Variants in CD46 observed in about 807,000 individuals in gnomAD.
The protein encoded by CD46 is CD46 molecule.
CD46 carries 30 observed loss-of-function variants against 53.3 expected under a neutral mutation model. The ratio of observed to expected loss-of-function variants is 0.56; its 90% confidence interval spans 0.42 to 0.76. The LOEUF (loss-of-function observed/expected upper bound fraction) is 0.76, where lower values mean the gene tolerates loss of function less well. Ranked by LOEUF, CD46 falls within the 30% of genes least tolerant of loss-of-function variation. CD46 has a pLI of 0.00. For synonymous variants in CD46, 142 were observed against 152.0 expected, an observed-to-expected ratio of 0.93 and a Z score of 0.48; for missense variants, 409 against 463.0, an observed-to-expected ratio of 0.88 and a Z score of 1.07.
chr1:207,793,911 A>G lies in CD46; in HGVS notation c.*434A>G. 1 of 284,046 alleles carries G rather than the reference A, an allele frequency of 3.5e-6. No individual in the cohort carries two copies. The highest frequency in any genetic ancestry group is 6.7e-6 in the Non-Finnish European group (1 of 148,532). The allele number at this position is 284,046 out of a possible 1,614,324, so 17.6% of individuals were successfully genotyped here. A position where few individuals can be genotyped will look rare whatever the true frequency, so the allele number is the denominator to read the frequency against. On this transcript the variant is annotated 3_prime_UTR_variant, in exon 13 of 13. Transcript: ENST00000367042. The stretch of plus-strand genomic sequence containing the variant: ...GAGAAATATAGTTCACAATGAAATT[A>G]TATTTTCTTTGTAAAGAAAGTGGCT...
At chr1:207,778,169 T>C (rs961175941) in intron 8 of CD46, among the ~76,000 whole-genome samples, 32 of 152,156 alleles carry the variant, frequency 2.1e-4, no homozygotes, top group African/African-American at 7.5e-4. Context: ...TAAGTTCCTG[T>C]AAATGCTAAA....
Position 207,770,814 on chromosome 1 carries a change from C to T in CD46, c.943+452C>T, listed in dbSNP as rs577946948. 5.9e-5 allele frequency among the ~76,000 whole-genome samples: 9 copies of T among 152,210 alleles called. No individual in the cohort carries two copies. In the South Asian group the frequency reaches 6.2e-4, roughly 11 times the overall value. On this transcript the variant is annotated intron_variant, in intron 8 of 12. Coordinates refer to ENST00000367042, the MANE Select transcript of CD46 (RefSeq NM_172351.3). ...ATCCAGTCTATCATTGATGGACATTCGGGTTGGTTCCAAGTCTTTGCTATT... is the reference window on the plus strand; with the variant it reads ...ATCCAGTCTATCATTGATGGACATTTGGGTTGGTTCCAAGTCTTTGCTATT...
chr1:207,768,720 T>C (rs566372774), intron 7 of CD46: 19 of 152,344 alleles, frequency 1.2e-4, no homozygotes, highest in African/African-American at 4.6e-4. Context: ...ATTTCAGCAC[T>C]ACCATCTCTG....
chr1:207,761,402 G>A lies in CD46; in HGVS notation c.629G>A (p.Cys210Tyr), dbSNP rs1207528084. 6.2e-7 allele frequency: 1 copy of A among 1,614,110 alleles called. No homozygotes were observed. The highest frequency in any genetic ancestry group is 8.5e-7 in the Non-Finnish European group (1 of 1,179,988). Reference sequence around the variant, plus strand: ...CTTATTGGAGAGAGCACGATTTATTGTGGTGACAATTCAGTGTGGAGTCGT... The same window carrying A: ...CTTATTGGAGAGAGCACGATTTATTATGGTGACAATTCAGTGTGGAGTCGT... Reference protein sequence around the residue: ...FSLIGESTIYCGDNSVWSRAA... With the variant: ...FSLIGESTIYYGDNSVWSRAA... The change falls in exon 5 of 13, where the codon TGT becomes TAT. Residue 210 changes from cysteine (C) to tyrosine (Y), a missense_variant. Transcript: ENST00000367042.
chr1:207,761,244 T>G lies in CD46; in HGVS notation c.476-5T>G, dbSNP rs778979738. The G allele has an allele frequency of 8.9e-5, 140 of 1,580,718 alleles. No individual in the cohort carries two copies. The highest frequency in any genetic ancestry group is 1.2e-4 in the Non-Finnish European group (134 of 1,150,910). ...TTTCCTTTCCTCTTTTTCTTCATTTTTAAGAGGTTTTGTGTACACCACCTC... is the reference window on the plus strand; with the variant it reads ...TTTCCTTTCCTCTTTTTCTTCATTTGTAAGAGGTTTTGTGTACACCACCTC... On this transcript the variant is annotated splice_polypyrimidine_tract_variant and splice_region_variant and intron_variant, in intron 4 of 12. Transcript: ENST00000367042.
At chr1:207,757,666 A>C (rs1655717183) in intron 3 of CD46, 24 bp downstream of exon 3, 1 of 1,376,940 alleles carries the variant, frequency 7.3e-7, no homozygotes, top group Non-Finnish European at 1.0e-6. Context: ...TAGAGGAAAT[A>C]AGGGAAGTGT....
At chr1:207,781,723 G>A (rs1051555918) in intron 8 of CD46, among the ~76,000 whole-genome samples, 6 of 152,100 alleles carry the variant, frequency 3.9e-5, no homozygotes, top group Admixed American at 6.6e-5. Flanking sequence ...GTTGAAAACC[G>A]TTTGACCATA....
chr1:207,782,550 T>C (rs1177966141), intron 8 of CD46, among the ~76,000 whole-genome samples: 1 of 152,090 alleles, frequency 6.6e-6, no homozygotes, highest in Non-Finnish European at 1.5e-5. Context: ...TGATGTTAGC[T>C]GTGGGTTTTT....
chr1:207,754,277 C>T (rs1655258960), intron 1 of CD46, among the ~76,000 whole-genome samples: 1 of 152,304 alleles, frequency 6.6e-6, no homozygotes, highest in Middle Eastern at 3.4e-3. Flanking sequence ...GTTCCCTCAG[C>T]CCAGGAACAT....
chr1:207,774,657 G>T (rs781323156), intron 8 of CD46, among the ~76,000 whole-genome samples: 1 of 152,234 alleles, frequency 6.6e-6, no homozygotes, highest in East Asian at 1.9e-4. Flanking sequence ...AGTTTGGCTG[G>T]ATATGAGATT....
chr1:207,754,827 G>C (rs1353176325), intron 1 of CD46, among the ~76,000 whole-genome samples: 1 of 150,432 alleles, frequency 6.6e-6, no homozygotes, highest in South Asian at 2.1e-4. Flanking sequence ...GGAGTAGGGA[G>C]TAGTGGTGAT....
intron 5 of CD46, 91 bp downstream of exon 5, chr1:207,761,537 A>G: frequency 1.0e-6 from 1 of 994,962 alleles, no homozygotes; most frequent in Non-Finnish European, 1.6e-6. Context: ...AAGCAGGTGT[A>G]TGTGCTTCCT....
At chr1:207,771,023 G>C (rs1294320165) in intron 8 of CD46, among the ~76,000 whole-genome samples, 1 of 152,200 alleles carries the variant, frequency 6.6e-6, no homozygotes, top group Non-Finnish European at 1.5e-5. Flanking sequence ...CACCAACAGT[G>C]TAAAAGTGTT....
Position 207,794,117 on chromosome 1 carries a change from T to C in CD46, c.*640T>C, listed in dbSNP as rs1294117067. ...TGGGAATATGCACAAACTTGGCTTC[T>C]TTAACCAAGAATATTATTGGAAAAT... is the stretch of plus-strand genomic sequence containing the variant. On this transcript the variant is annotated 3_prime_UTR_variant, in exon 13 of 13. Transcript: ENST00000367042. 6.5e-6 allele frequency: 1 copy of C among 154,326 alleles called. No homozygotes were observed. Among genetic ancestry groups the C allele is most frequent in the Non-Finnish European group, 1.4e-5 (1 of 69,338 alleles). The allele number at this position is 154,326 out of a possible 1,614,324, so 9.6% of individuals were successfully genotyped here. A position where few individuals can be genotyped will look rare whatever the true frequency, so the allele number is the denominator to read the frequency against.
At chr1:207,783,742 A>G (rs539805876) in intron 9 of CD46, 3 of 154,876 alleles carry the variant, frequency 1.9e-5, no homozygotes, top group Non-Finnish European at 4.3e-5. Context: ...AAAATCTATT[A>G]CCTTTCATTT....
chr1:207,787,272 A>G (rs1310749817), intron 11 of CD46, among the ~76,000 whole-genome samples: 2 of 152,120 alleles, frequency 1.3e-5, no homozygotes, highest in African/African-American at 2.4e-5. Flanking sequence ...GGGTTTCACC[A>G]TGTTGGTCAG....
chr1:207,778,029 C>G (rs750209302), intron 8 of CD46, among the ~76,000 whole-genome samples: 9 of 152,160 alleles, frequency 5.9e-5, no homozygotes, highest in Non-Finnish European at 1.2e-4. Flanking sequence ...TTGCATTTCT[C>G]TAATGATCAG....
chr1:207,765,693 T>C (rs983031249), intron 5 of CD46, among the ~76,000 whole-genome samples: 1 of 152,174 alleles, frequency 6.6e-6, no homozygotes, highest in Non-Finnish European at 1.5e-5. Context: ...GACAAGGATA[T>C]GGAGCAGATG....
At chr1:207,785,496 T>C (rs1659185464) in intron 10 of CD46, 123 bp from the exon 11 acceptor site, 1 of 784,470 alleles carries the variant, frequency 1.3e-6, no homozygotes, top group Non-Finnish European at 2.3e-6. Context: ...AATATAAATG[T>C]GTAGGTGCTT....
Sources: allele counts gnomAD v4.1 joint callset (sites outside exome capture counted in the v4.1 genomes callset), GRCh38; gene constraint gnomAD v4.1.1; transcripts MANE v1.5; gene names NCBI Gene and HGNC (gene_info 2026-07-23, HGNC 2026-07-21).